TMEM242: variants seen among roughly 807,000 people sequenced by gnomAD.
TMEM242 encodes UPF0463 transmembrane protein C6orf35.
Under a neutral mutation model 18.2 loss-of-function variants are expected in TMEM242, and 10 were observed. The ratio of observed to expected loss-of-function variants is 0.55; its 90% confidence interval spans 0.34 to 0.93. TMEM242 has a LOEUF of 0.93. TMEM242 is among the 40% of genes least tolerant of loss of function. The probability of loss-of-function intolerance (pLI) is 0.02; values close to 1 mark genes in which losing one functional copy is unlikely to be tolerated. For synonymous variants in TMEM242, 57 were observed against 69.9 expected (o/e 0.81, Z 0.92); for missense variants, 186 against 175.5 (o/e 1.06, Z -0.34).
chr6:157,318,054 C>T (rs1167542822), intron 3 of TMEM242: 2 of 152,152 alleles, frequency 1.3e-5, no homozygotes, highest in African/African-American at 4.8e-5. Context: ...AACACAGACA[C>T]AGACACACAA....
At chr6:157,320,155 G>C (rs1377152928) in intron 2 of TMEM242, among the ~76,000 whole-genome samples, 9 of 152,174 alleles carry the variant, frequency 5.9e-5, no homozygotes, top group African/African-American at 1.7e-4. Flanking sequence ...CTCTGAAACA[G>C]AGTCTGGGTA....
At chr6:157,299,578 AG>A (rs1554247378) in intron 3 of TMEM242, 1 of 1,570,738 alleles carries the variant, frequency 6.4e-7, no homozygotes, top group East Asian at 2.2e-5. Flanking sequence ...AGGCTACATA[AG>A]TTAAGTTATC....
At chr6:157,319,176 C>G (rs1038230685) in intron 2 of TMEM242, among the ~76,000 whole-genome samples, 1 of 152,218 alleles carries the variant, frequency 6.6e-6, no homozygotes, top group African/African-American at 2.4e-5. Flanking sequence ...CTCTATCCCC[C>G]ATTCATTGGC....
chr6:157,300,479 T>G (rs375067478), intron 3 of TMEM242, among the ~76,000 whole-genome samples: 2 of 152,386 alleles, frequency 1.3e-5, no homozygotes, highest in South Asian at 4.1e-4. Context: ...ATGCTTCTAT[T>G]AACTACGGAT....
chr6:157,294,226 C>T (rs1554247055), intron 3 of TMEM242, among the ~76,000 whole-genome samples: 1 of 152,140 alleles, frequency 6.6e-6, no homozygotes, highest in African/African-American at 2.4e-5. Context: ...AGCAGCACCA[C>T]AGTACTGCCT....
At chr6:157,318,101 CATT>C (rs1213019544) in intron 3 of TMEM242, 1 of 152,134 alleles carries the variant, frequency 6.6e-6, no homozygotes, top group Non-Finnish European at 1.5e-5. Context: ...GTAAATAACA[CATT>C]AGTAATTTAA....
intron 3 of TMEM242, chr6:157,299,811 G>T: frequency 1.2e-6 from 2 of 1,608,660 alleles, no homozygotes; most frequent in Non-Finnish European, 1.7e-6. Flanking sequence ...GGGCTGCCAT[G>T]TTGAAGATCC....
rs1778055269 is a variant in TMEM242, at chr6:157,311,156, AG to A, written c.327+7625del. ...ATAGTGTCCCAGTGTGCACTCACCT[AG>A]CCCCATCATAGTGTCCGAATGTGCG... On this transcript the variant is annotated intron_variant, in intron 3 of 3. Coordinates refer to ENST00000400788, the MANE Select transcript of TMEM242 (RefSeq NM_018452.6). Among the ~76,000 whole-genome samples, 2 of 14,928 alleles carry A rather than the reference AG, an allele frequency of 1.3e-4. 1 individual carries two copies. The highest frequency in any genetic ancestry group is 4.5e-4 in the African/African-American group (2 of 4,478). The allele number at this position is 14,928 out of a possible 152,430, so 9.8% of individuals were successfully genotyped here.
intron 1 of TMEM242, among the ~76,000 whole-genome samples, chr6:157,323,062 C>T (rs1313329499): frequency 6.6e-6 from 1 of 152,160 alleles, no homozygotes; most frequent in Non-Finnish European, 1.5e-5. Flanking sequence ...GGTTCAGCTT[C>T]CCTTCCCCTC....
chr6:157,312,718 T>C (rs1554249406), intron 3 of TMEM242, among the ~76,000 whole-genome samples: 10 of 134,874 alleles, frequency 7.4e-5, no homozygotes, highest in African/African-American at 2.4e-4. Flanking sequence ...TCACCTGGCC[T>C]CATCTTACTG....
chr6:157,296,200 G>A (rs1777746941), intron 3 of TMEM242, among the ~76,000 whole-genome samples: 1 of 152,204 alleles, frequency 6.6e-6, no homozygotes, highest in Non-Finnish European at 1.5e-5. Flanking sequence ...TACCCCAAAA[G>A]TCTGGTGGGG....
In TMEM242 at chr6:157,298,402, G is replaced by A. The variant is rs782038495; in HGVS notation, c.328-5403C>T. ...TTCTAAAAGCTTTCTGAATTACTGC[G>A]TTAAACATTTTATAACAGCTACCAT... On this transcript the variant is annotated intron_variant, in intron 3 of 3. Coordinates refer to ENST00000400788, the MANE Select transcript of TMEM242 (RefSeq NM_018452.6). Among the ~76,000 whole-genome samples the A allele has an allele frequency of 4.6e-5, 7 of 152,140 alleles. No individual in the cohort carries two copies. In the South Asian group the frequency reaches 6.2e-4, roughly 14 times the overall value.
intron 3 of TMEM242, chr6:157,299,897 C>T (rs1313430272): frequency 1.2e-6 from 2 of 1,612,624 alleles, no homozygotes; most frequent in African/African-American, 2.7e-5. Flanking sequence ...TAATAAGATG[C>T]TGGTAGCGCA....
In TMEM242 at chr6:157,300,273, G is replaced by A. The variant is rs1777812029; in HGVS notation, c.328-7274C>T. The A allele has an allele frequency of 1.2e-5, 4 of 330,550 alleles. No individual in the cohort carries two copies. The Admixed American group carries it at 1.3e-4, about 11-fold the overall frequency. 20.5% of individuals were successfully genotyped at this position (330,550 alleles called of 1,614,324 possible). The stretch of plus-strand genomic sequence containing the variant: ...CCCTGGCCCTCTACTGCGGCTGCGC[G>A]GGCCTTGCCAGCGCCTTCAACATGT... On this transcript the variant is annotated intron_variant, in intron 3 of 3. Transcript: ENST00000400788.
chr6:157,311,444 C>G, intron 3 of TMEM242, among the ~76,000 whole-genome samples: 1 of 131,846 alleles, frequency 7.6e-6, no homozygotes, highest in African/African-American at 2.8e-5. Context: ...ATCATAGTGT[C>G]CCAGTGTGCA....
At chr6:157,318,151 T>TTA (rs1349190508) in intron 3 of TMEM242, 5 of 152,302 alleles carry the variant, frequency 3.3e-5, no homozygotes, top group South Asian at 4.1e-4. Flanking sequence ...TTTACAAAGA[T>TTA]TATATATATA....
chr6:157,298,328 C>T (rs1554247288), intron 3 of TMEM242, among the ~76,000 whole-genome samples: 1 of 152,154 alleles, frequency 6.6e-6, no homozygotes, highest in Non-Finnish European at 1.5e-5. Flanking sequence ...TTTCCTTTCC[C>T]GGCCAAACAA....
At chr6:157,294,903 T>G (rs1777732190) in intron 3 of TMEM242, among the ~76,000 whole-genome samples, 1 of 152,170 alleles carries the variant, frequency 6.6e-6, no homozygotes, top group Non-Finnish European at 1.5e-5. Flanking sequence ...ACTTTCCACA[T>G]ATGTAGAATG....
At chr6:157,312,452 T>C (rs587655212) in intron 3 of TMEM242, among the ~76,000 whole-genome samples, 1 of 144,308 alleles carries the variant, frequency 6.9e-6, no homozygotes, top group East Asian at 2.1e-4. Flanking sequence ...CCGAGCCTCA[T>C]AGTGCCCCAG....
Sources: gnomAD v4.1 joint callset for allele counts (sites outside exome capture counted in the v4.1 genomes callset) on GRCh38, gnomAD v4.1.1 for gene constraint, MANE v1.5 for transcripts, NCBI Gene and HGNC (gene_info 2026-07-23, HGNC 2026-07-21) for gene names.